COPA: variants seen among roughly 807,000 people sequenced by gnomAD.
COPA encodes coatomer subunit alpha.
Under a neutral mutation model 158.7 loss-of-function variants are expected in COPA, and 10 were observed. That is an observed-to-expected ratio of 0.06 (90% CI 0.04 to 0.11). The LOEUF is 0.11. Ranked by LOEUF, COPA falls within the 10% of genes least tolerant of loss-of-function variation. COPA has a pLI of 1.00. For missense variants in COPA, 1,065 were observed against 1,536.7 expected, an observed-to-expected ratio of 0.69 and a Z score of 5.13; for synonymous variants, 462 against 542.8, an observed-to-expected ratio of 0.85 and a Z score of 2.07.
rs1324135234 is a variant in COPA, at chr1:160,340,002, A to G, written c.155-20T>C. The G allele has an allele frequency of 6.2e-7, 1 of 1,613,238 alleles. No individual in the cohort carries two copies. The highest frequency in any genetic ancestry group is 1.1e-5 in the South Asian group (1 of 91,070). On this transcript the variant is annotated intron_variant, in intron 2 of 32. Transcript: ENST00000241704. ...CTGGACCTGGTGGAGAAGGCAGGCAATGTATGTTAGACAGAGCTATCCTTT... is the reference window on the plus strand; with the variant it reads ...CTGGACCTGGTGGAGAAGGCAGGCAGTGTATGTTAGACAGAGCTATCCTTT...
At chr1:160,294,879 C>CG in intron 23 of COPA, 22 bp from the exon 24 acceptor site, 1 of 1,607,882 alleles carries the variant, frequency 6.2e-7, no homozygotes, top group Non-Finnish European at 8.5e-7. Context: ...AGGAACAGAA[C>CG]GGAACTGGTT....
chr1:160,314,386 T>C (rs12061750), intron 8 of COPA, among the ~76,000 whole-genome samples: 3,764 of 152,210 alleles, frequency 0.025, 155 homozygotes, highest in African/African-American at 0.086. Context: ...CCCAGAACTT[T>C]GGGAGGCTAA....
At chr1:160,306,638 G>A in intron 14 of COPA, 145 bp from the exon 15 acceptor site, 1 of 974,766 alleles carries the variant, frequency 1.0e-6, no homozygotes, top group Non-Finnish European at 1.6e-6. Context: ...ACTGCAGACA[G>A]ACCATGCCAA....
chr1:160,318,674 T>C (rs1659238934), intron 8 of COPA, among the ~76,000 whole-genome samples: 1 of 152,094 alleles, frequency 6.6e-6, no homozygotes, highest in East Asian at 1.9e-4. Context: ...ATAATAGCTA[T>C]AGCAACATGT....
chr1:160,333,339 T>C (rs930505030), intron 5 of COPA: 23 of 347,278 alleles, frequency 6.6e-5, no homozygotes, highest in African/African-American at 4.7e-4. Context: ...TATGGGAAAA[T>C]AATTGAAAAC....
chr1:160,341,874 A>G (rs1648081601), intron 1 of COPA, among the ~76,000 whole-genome samples: 1 of 152,166 alleles, frequency 6.6e-6, no homozygotes, highest in South Asian at 2.1e-4. Flanking sequence ...CTCAAATATT[A>G]TGACATCTTT....
At chr1:160,296,569 T>C (rs888184951) in intron 21 of COPA, among the ~76,000 whole-genome samples, 6 of 152,216 alleles carry the variant, frequency 3.9e-5, no homozygotes, top group Admixed American at 3.9e-4. Context: ...AGTCTTCAGA[T>C]ATCTGCAGTT....
intron 9 of COPA, 125 bp from the exon 10 acceptor site, chr1:160,313,292 T>C (rs1471298289): frequency 2.6e-6 from 2 of 760,676 alleles, no homozygotes; most frequent in Admixed American, 2.4e-5. Context: ...GTAAACTGCA[T>C]ATCCTAAGTA....
chr1:160,293,530 T>C, intron 25 of COPA, 67 bp from the exon 26 acceptor site: 1 of 1,254,740 alleles, frequency 8.0e-7, no homozygotes, highest in Non-Finnish European at 1.1e-6. Flanking sequence ...GGTCACACTC[T>C]GTCACCTAGA....
At chr1:160,294,903 T>A in intron 23 of COPA, 46 bp from the exon 24 acceptor site, 1 of 1,550,656 alleles carries the variant, frequency 6.4e-7, no homozygotes, top group Non-Finnish European at 8.9e-7. Flanking sequence ...GTCCAGCAAG[T>A]CTGAGATACG....
chr1:160,319,590 TC>T (rs1197172529), intron 8 of COPA, among the ~76,000 whole-genome samples: 1 of 150,854 alleles, frequency 6.6e-6, no homozygotes, highest in East Asian at 1.9e-4. Context: ...ATTCTTTTCA[TC>T]AGCACATGGA....
At chr1:160,324,021 C>A (rs1257684424) in intron 7 of COPA, among the ~76,000 whole-genome samples, 1 of 152,028 alleles carries the variant, frequency 6.6e-6, no homozygotes, top group Non-Finnish European at 1.5e-5. Flanking sequence ...CCACCATACC[C>A]GGCTAATTTT....
rs1232485417 is a variant in COPA at position 160,293,521 on chromosome 1, G to T, written c.2677-58C>A. On this transcript the variant is annotated intron_variant, in intron 25 of 32. Transcript: ENST00000241704. The stretch of plus-strand genomic sequence containing the variant: ...ATTTTTTTTTTTTTTTTGAGACAGG[G>T]TCACACTCTGTCACCTAGACTGGAG... 5.5e-6 allele frequency: 7 copies of T among 1,271,400 alleles called. No individual in the cohort carries two copies. The African/African-American group carries it at 7.7e-5, about 14-fold the overall frequency. 78.8% of individuals were successfully genotyped at this position (1,271,400 alleles called of 1,614,324 possible). A position where few individuals can be genotyped will look rare whatever the true frequency, so the allele number is the denominator to read the frequency against.
In COPA at chr1:160,335,233, A is replaced by T; in HGVS notation, c.309+9T>A. 3 of 1,604,078 alleles carry T rather than the reference A, an allele frequency of 1.9e-6. No homozygotes were observed. The African/African-American group carries it at 4.0e-5, about 21-fold the overall frequency. On this transcript the variant is annotated intron_variant, in intron 4 of 32. Transcript: ENST00000241704. ...ATGCTCCAAAACTAGCGCCACCATGACTACTTACATGATGAAAAAACGTGG... is the reference window on the plus strand; with the variant it reads ...ATGCTCCAAAACTAGCGCCACCATGTCTACTTACATGATGAAAAAACGTGG...
chr1:160,305,378 C>A (rs953577361), intron 17 of COPA, 55 bp downstream of exon 17: 4 of 1,566,426 alleles, frequency 2.6e-6, no homozygotes, highest in African/African-American at 2.7e-5. Context: ...CAAGACAAGA[C>A]AGTGATTTCA....
Position 160,298,873 on chromosome 1 carries a change from C to T in COPA, c.1949G>A (p.Ser650Asn), listed in dbSNP as rs746141698. The change falls in exon 19 of 33, where the codon AGT (serine) becomes AAT (asparagine). Residue 650 changes from serine (S) to asparagine (N), a missense_variant. By Grantham distance (46) the Ser-to-Asn change is conservative (BLOSUM62 1). Around this residue, in one of 2 missense-constraint regions of COPA, gnomAD observed 980 missense variants for 1,357.8 expected, o/e 0.72. Coordinates refer to ENST00000241704, the MANE Select transcript of COPA (RefSeq NM_004371.4). Reference sequence around the variant, plus strand: ...AATGTTTCCACACTCCAGTGCCAGACTAAAGCGAGTTTTCTCATCCTTGAC... The same window carrying T: ...AATGTTTCCACACTCCAGTGCCAGATTAAAGCGAGTTTTCTCATCCTTGAC... ...HFVKDEKTRF[S>N]LALECGNIEI... is the part of the protein sequence containing the mutation. The T allele has an allele frequency of 6.2e-7, 1 of 1,614,168 alleles. No homozygotes were observed. Among genetic ancestry groups the T allele is most frequent in the South Asian group, 1.1e-5 (1 of 91,082 alleles).
intron 17 of COPA, among the ~76,000 whole-genome samples, chr1:160,301,583 A>T (rs1658605085): frequency 6.6e-6 from 1 of 152,020 alleles, no homozygotes; most frequent in Non-Finnish European, 1.5e-5. Flanking sequence ...GACCAGCCTG[A>T]GCAACATGGT....
intron 11 of COPA, 122 bp downstream of exon 11, chr1:160,311,746 C>CA (rs987059709): frequency 6.3e-4 from 630 of 1,005,730 alleles, no homozygotes; most frequent in Middle Eastern, 1.5e-3. Context: ...GACTCCGTCT[C>CA]AAAAAAAAAT....
At chr1:160,303,597 C>T (rs888808253) in intron 17 of COPA, among the ~76,000 whole-genome samples, 4 of 152,006 alleles carry the variant, frequency 2.6e-5, no homozygotes, top group African/African-American at 7.3e-5. Flanking sequence ...CAGAAGAATA[C>T]AGAAGAATGG....
Sources: allele counts gnomAD v4.1 joint callset (sites outside exome capture counted in the v4.1 genomes callset), GRCh38; gene constraint gnomAD v4.1.1; regional missense constraint gnomAD v4.1.1; transcripts MANE v1.5; gene names NCBI Gene and HGNC (gene_info 2026-07-23, HGNC 2026-07-21).